Variants in RALYL observed in about 807,000 individuals in gnomAD.
RALYL encodes the protein RALY RNA binding protein like.
In RALYL, 29 loss-of-function variants were observed where a neutral mutation model predicts 35.1. That is an observed-to-expected ratio of 0.83 (90% CI 0.61 to 1.13). RALYL has a LOEUF of 1.13. Ranked by LOEUF, RALYL falls within the 50% of genes most tolerant of loss-of-function variation. The pLI is 0.00. For missense variants in RALYL, 359 were observed against 360.4 expected (o/e 1.00, Z 0.03); for synonymous variants, 120 against 127.6 (o/e 0.94, Z 0.40).
intron 7 of RALYL, among the ~76,000 whole-genome samples, chr8:84,879,138 G>T (rs1399755016): frequency 6.6e-6 from 1 of 152,096 alleles, no homozygotes; most frequent in Non-Finnish European, 1.5e-5. Flanking sequence ...TAGGAGATGA[G>T]CTGTGCAAGA....
intron 5 of RALYL, among the ~76,000 whole-genome samples, chr8:84,856,898 G>A (rs1346651364): frequency 6.6e-6 from 1 of 151,270 alleles, no homozygotes; most frequent in Non-Finnish European, 1.5e-5. Context: ...CGCGGTGGCA[G>A]GCGCCTGTAG....
intron 2 of RALYL, among the ~76,000 whole-genome samples, chr8:84,662,236 A>G (rs1027519213): frequency 1.3e-5 from 2 of 152,068 alleles, no homozygotes; most frequent in East Asian, 1.9e-4. Context: ...CATGGGCTTC[A>G]TGGAAGGAAT....
At chr8:84,687,110 A>C (rs535266160) in intron 2 of RALYL, among the ~76,000 whole-genome samples, 1 of 152,290 alleles carries the variant, frequency 6.6e-6, no homozygotes, top group African/African-American at 2.4e-5. Context: ...TGATGGTTTA[A>C]ATTAATGTTA....
intron 2 of RALYL, among the ~76,000 whole-genome samples, chr8:84,650,987 C>G (rs1040544418): frequency 1.3e-5 from 2 of 151,658 alleles, no homozygotes; most frequent in African/African-American, 4.8e-5. Context: ...AACCAAACAC[C>G]GCATATTCTC....
At chr8:84,346,301 G>C (rs551607532) in intron 1 of RALYL, among the ~76,000 whole-genome samples, 65 of 152,218 alleles carry the variant, frequency 4.3e-4, no homozygotes, top group African/African-American at 1.5e-3. Context: ...TGGCTGACAG[G>C]CTTGCCTGTC....
At chr8:84,912,972 T>G (rs1294674399) in intron 8 of RALYL, among the ~76,000 whole-genome samples, 1 of 150,164 alleles carries the variant, frequency 6.7e-6, no homozygotes, top group Admixed American at 6.7e-5. Context: ...GGATGTACAG[T>G]GCAGACCCAG....
At chr8:84,651,009 G>T (rs1395584726) in intron 2 of RALYL, among the ~76,000 whole-genome samples, 1 of 151,882 alleles carries the variant, frequency 6.6e-6, no homozygotes, top group East Asian at 1.9e-4. Flanking sequence ...CTCATAGGTG[G>T]GAATTGAACA....
chr8:84,192,227 C>A (rs1010120814), intron 1 of RALYL, among the ~76,000 whole-genome samples: 1 of 152,096 alleles, frequency 6.6e-6, no homozygotes, highest in Non-Finnish European at 1.5e-5. Flanking sequence ...GAGAAAGGAC[C>A]AGTTAAACTA....
chr8:84,615,798 A>G (rs1819452635), intron 2 of RALYL, among the ~76,000 whole-genome samples: 3 of 118,228 alleles, frequency 2.5e-5, no homozygotes, highest in Admixed American at 8.9e-5. Context: ...TCCTGTGTCC[A>G]TGTGATCTCA....
intron 3 of RALYL, among the ~76,000 whole-genome samples, chr8:84,795,043 C>T (rs1188226046): frequency 6.6e-6 from 1 of 152,170 alleles, no homozygotes; most frequent in Admixed American, 6.5e-5. Context: ...TACCAAGGGG[C>T]TTGATGATAG....
intron 1 of RALYL, among the ~76,000 whole-genome samples, chr8:84,478,018 G>A (rs934645939): frequency 1.3e-5 from 2 of 151,986 alleles, no homozygotes; most frequent in Non-Finnish European, 2.9e-5. Flanking sequence ...AATTTCAGAA[G>A]TCAAACAGTA....
At chr8:84,338,122 A>G (rs1287408529) in intron 1 of RALYL, among the ~76,000 whole-genome samples, 5 of 151,970 alleles carry the variant, frequency 3.3e-5, no homozygotes, top group African/African-American at 7.2e-5. Context: ...TTTAAATACT[A>G]GGTATTTTTA....
chr8:84,848,044 G>A (rs1835022437), intron 4 of RALYL, among the ~76,000 whole-genome samples: 2 of 152,070 alleles, frequency 1.3e-5, no homozygotes, highest in Admixed American at 1.3e-4. Flanking sequence ...ACAAAGTAAA[G>A]GTCTGTTAAA....
intron 1 of RALYL, among the ~76,000 whole-genome samples, chr8:84,406,489 TG>T (rs1349046775): frequency 4.0e-5 from 6 of 151,738 alleles, no homozygotes; most frequent in African/African-American, 1.5e-4. Context: ...ACCTAACATT[TG>T]GGAATATAAT....
intron 1 of RALYL, among the ~76,000 whole-genome samples, chr8:84,407,030 A>C (rs1233240987): frequency 5.3e-5 from 8 of 149,698 alleles, no homozygotes; most frequent in South Asian, 4.2e-4. Context: ...ATATATATAT[A>C]TATATACACA....
intron 2 of RALYL, among the ~76,000 whole-genome samples, chr8:84,587,731 G>A (rs1015018804): frequency 6.6e-6 from 1 of 152,162 alleles, no homozygotes; most frequent in Non-Finnish European, 1.5e-5. Context: ...ACAAAGAGCT[G>A]TTGAATGAGA....
intron 3 of RALYL, among the ~76,000 whole-genome samples, chr8:84,792,805 AAG>A (rs1821107474): frequency 6.6e-6 from 1 of 152,186 alleles, no homozygotes. Flanking sequence ...GACTGACTTC[AAG>A]AGAGAGGAAG....
At chr8:84,367,718 T>A (rs1017420234) in intron 1 of RALYL, among the ~76,000 whole-genome samples, 1 of 152,100 alleles carries the variant, frequency 6.6e-6, no homozygotes, top group African/African-American at 2.4e-5. Context: ...GAAATAACAC[T>A]TTTATAGTAT....
chr8:84,637,436 G>T (rs887070127), intron 2 of RALYL, among the ~76,000 whole-genome samples: 3 of 151,794 alleles, frequency 2.0e-5, no homozygotes, highest in South Asian at 2.1e-4. Context: ...CTCCCATCAG[G>T]CCTGCAAGAA....
Sources: gnomAD v4.1 joint callset for allele counts (sites outside exome capture counted in the v4.1 genomes callset) on GRCh38, gnomAD v4.1.1 for gene constraint, MANE v1.5 for transcripts, NCBI Gene and HGNC (gene_info 2026-07-23, HGNC 2026-07-21) for gene names.